EPB41L4B: variants seen among roughly 807,000 people sequenced by gnomAD.
EPB41L4B encodes the protein erythrocyte membrane protein band 4.1 like 4B.
In EPB41L4B, 30 loss-of-function variants were observed where a neutral mutation model predicts 112.5. The ratio of observed to expected loss-of-function variants is 0.27; its 90% CI spans 0.20 to 0.36. EPB41L4B has a LOEUF of 0.36. EPB41L4B is among the 10% of genes least tolerant of loss of function. The pLI, the probability that EPB41L4B is intolerant of heterozygous loss-of-function variation, is 1.00. For synonymous variants in EPB41L4B, 408 were observed against 439.7 expected, an observed-to-expected ratio of 0.93 and a Z score of 0.90; for missense variants, 1,024 against 1,133.3, an observed-to-expected ratio of 0.90 and a Z score of 1.38.
At chr9:109,199,783 T>G (rs768468317) in intron 20 of EPB41L4B, among the ~76,000 whole-genome samples, 7 of 152,182 alleles carry the variant, frequency 4.6e-5, no homozygotes, top group Non-Finnish European at 1.0e-4. Context: ...TGGAGAAGGC[T>G]GGAGAGACCT....
chr9:109,294,709 T>G (rs1355507540), intron 1 of EPB41L4B, among the ~76,000 whole-genome samples: 2 of 151,552 alleles, frequency 1.3e-5, no homozygotes, highest in Non-Finnish European at 2.9e-5. Context: ...TGTGTGTGTA[T>G]AAGTATTTAT....
intron 1 of EPB41L4B, among the ~76,000 whole-genome samples, chr9:109,312,745 A>G (rs750526450): frequency 6.6e-6 from 1 of 152,014 alleles, no homozygotes; most frequent in Non-Finnish European, 1.5e-5. Flanking sequence ...TTCAAAGGCA[A>G]CTCACTCACT....
intron 6 of EPB41L4B, among the ~76,000 whole-genome samples, chr9:109,260,547 T>A (rs1279756201): frequency 2.6e-5 from 4 of 151,864 alleles, no homozygotes; most frequent in African/African-American, 9.7e-5. Flanking sequence ...CCTGAGTAGT[T>A]GGGATTACAG....
rs1351835372 is a variant in EPB41L4B, at chr9:109,194,400, G to A, written c.2046-3C>T. ...CTGGAGGGAGGTCGTCTTCATCACT[G>A]CGGTTACTAAAAGCACATGAAGCTC... On this transcript the variant is annotated splice_polypyrimidine_tract_variant and splice_region_variant and intron_variant, in intron 20 of 25. Coordinates refer to ENST00000374566, the MANE Select transcript of EPB41L4B (RefSeq NM_019114.5). The A allele has an allele frequency of 1.2e-6, 2 of 1,613,588 alleles. No individual in the cohort carries two copies. Among genetic ancestry groups the A allele is most frequent in the Non-Finnish European group, 1.7e-6 (2 of 1,179,684 alleles).
At chr9:109,319,549 A>G (rs558459192) in intron 1 of EPB41L4B, among the ~76,000 whole-genome samples, 1 of 152,268 alleles carries the variant, frequency 6.6e-6, no homozygotes, top group African/African-American at 2.4e-5. Flanking sequence ...GGGCTCAGGG[A>G]ATGGGAATGG....
At chr9:109,175,506 CACACACAG>C (rs1241979053) in intron 25 of EPB41L4B, among the ~76,000 whole-genome samples, 34 of 147,922 alleles carry the variant, frequency 2.3e-4, no homozygotes, top group African/African-American at 8.6e-4. Context: ...CACACACACA[CACACACAG>C]AGTAAATACA....
Position 109,194,526 on chromosome 9 carries a change from C to T in EPB41L4B, c.2046-129G>A, listed in dbSNP as rs118020184. On this transcript the variant is annotated intron_variant, in intron 20 of 25. Coordinates refer to ENST00000374566, the MANE Select transcript of EPB41L4B (RefSeq NM_019114.5). ...TTGGGGGTTCCCAAACAGATGTCCA[C>T]CAGATGTCCAGCTTGCAGGATCCAA... 59 of 945,378 alleles carry T rather than the reference C, an allele frequency of 6.2e-5. 1 individual carries two copies. Among genetic ancestry groups the T allele is most frequent in the Non-Finnish European group, 7.7e-5 (50 of 648,516 alleles). The allele number at this position is 945,378 out of a possible 1,614,324, so 58.6% of individuals were successfully genotyped here.
intron 1 of EPB41L4B, among the ~76,000 whole-genome samples, chr9:109,290,137 T>A (rs1410074979): frequency 6.6e-6 from 1 of 152,150 alleles, no homozygotes; most frequent in Non-Finnish European, 1.5e-5. Flanking sequence ...AAATGGTGGG[T>A]TGGAAACTAG....
At chr9:109,267,404 G>C in intron 4 of EPB41L4B, 69 bp downstream of exon 4, 9 of 974,296 alleles carry the variant, frequency 9.2e-6, no homozygotes, top group Non-Finnish European at 1.5e-5. Context: ...ACCCACAATT[G>C]AGAAGAGCCA....
intron 22 of EPB41L4B, among the ~76,000 whole-genome samples, chr9:109,190,660 G>A (rs1832428410): frequency 6.6e-6 from 1 of 152,234 alleles, no homozygotes; most frequent in Non-Finnish European, 1.5e-5. Flanking sequence ...GACACATCCT[G>A]GATTGGGCCA....
chr9:109,260,021 G>A (rs909605870), intron 6 of EPB41L4B, among the ~76,000 whole-genome samples: 2 of 152,144 alleles, frequency 1.3e-5, no homozygotes, highest in Non-Finnish European at 1.5e-5. Context: ...GAGGGGGCAC[G>A]GAGGGACAAT....
At chr9:109,188,149 T>C (rs575910926) in intron 22 of EPB41L4B, among the ~76,000 whole-genome samples, 1 of 152,312 alleles carries the variant, frequency 6.6e-6, no homozygotes, top group East Asian at 1.9e-4. Flanking sequence ...AGATACATGA[T>C]GATGAAAATG....
chr9:109,180,803 C>T (rs1393019712), intron 24 of EPB41L4B, among the ~76,000 whole-genome samples: 4 of 152,156 alleles, frequency 2.6e-5, no homozygotes, highest in African/African-American at 9.7e-5. Context: ...ATAGAAATTG[C>T]AAGCTCTGGT....
chr9:109,226,740 A>AAT (rs1388882235), intron 15 of EPB41L4B, among the ~76,000 whole-genome samples: 2 of 101,724 alleles, frequency 2.0e-5, no homozygotes, highest in Admixed American at 2.3e-4. Context: ...ATATATGAAG[A>AAT]ATATATATAT....
intron 15 of EPB41L4B, chr9:109,241,347 C>T: frequency 9.4e-7 from 1 of 1,068,210 alleles, no homozygotes; most frequent in African/African-American, 1.7e-5. Context: ...TTATTTGCTC[C>T]CATTAATTAA....
At chr9:109,207,777 A>T in intron 18 of EPB41L4B, 147 bp downstream of exon 18, 1 of 918,396 alleles carries the variant, frequency 1.1e-6, no homozygotes, top group Middle Eastern at 2.3e-4. Flanking sequence ...TGGTTCACAT[A>T]TCAGGTATGG....
intron 2 of EPB41L4B, among the ~76,000 whole-genome samples, chr9:109,272,123 A>C (rs77213023): frequency 6.6e-6 from 1 of 152,186 alleles, no homozygotes; most frequent in Non-Finnish European, 1.5e-5. Context: ...GACGAAACTC[A>C]TAACGGGATT....
chr9:109,251,084 G>A (rs1440275300), intron 13 of EPB41L4B, among the ~76,000 whole-genome samples: 2 of 152,212 alleles, frequency 1.3e-5, no homozygotes, highest in South Asian at 2.1e-4. Context: ...CTTCTATGAT[G>A]TAAAACCTGC....
At chr9:109,288,628 C>T (rs971813693) in intron 1 of EPB41L4B, among the ~76,000 whole-genome samples, 4 of 141,858 alleles carry the variant, frequency 2.8e-5, no homozygotes, top group African/African-American at 1.1e-4. Context: ...GAGGCTGAGG[C>T]AGGAGAATGG....
Sources: allele counts gnomAD v4.1 joint callset (sites outside exome capture counted in the v4.1 genomes callset), GRCh38; gene constraint gnomAD v4.1.1; transcripts MANE v1.5; gene names NCBI Gene and HGNC (gene_info 2026-07-23, HGNC 2026-07-21).